ESR1: variants seen among roughly 807,000 people sequenced by gnomAD.
The protein encoded by ESR1 is estrogen receptor.
ESR1 carries 12 observed loss-of-function variants against 52.7 expected under a neutral mutation model. The ratio of observed to expected loss-of-function variants is 0.23; its 90% CI spans 0.15 to 0.37. ESR1 has a LOEUF of 0.37. ESR1 is among the 10% of genes least tolerant of loss of function. The pLI is 1.00. For synonymous variants in ESR1, 305 were observed against 316.8 expected (o/e 0.96, Z 0.39); for missense variants, 584 against 779.7 (o/e 0.75, Z 2.99).
At chr6:151,773,042 C>G (rs1289459482) in intron 2 of ESR1, among the ~76,000 whole-genome samples, 3 of 152,078 alleles carry the variant, frequency 2.0e-5, no homozygotes, top group Admixed American at 6.5e-5. Context: ...TAGAATGTGG[C>G]CTTATTTGGA....
Position 152,100,407 on chromosome 6 carries a change from C to G in ESR1, c.*1441C>G. Reference sequence around the variant, plus strand: ...TGGTTTGGGGAAGAAAATCCTCCCCCTTCCTCCCCCGCCCCGTTCCCTACC... The same window carrying G: ...TGGTTTGGGGAAGAAAATCCTCCCCGTTCCTCCCCCGCCCCGTTCCCTACC... On this transcript the variant is annotated 3_prime_UTR_variant, in exon 8 of 8. Coordinates refer to ENST00000206249, the MANE Select transcript of ESR1 (RefSeq NM_000125.4). The G allele has an allele frequency of 3.5e-6, 1 of 287,246 alleles. No homozygotes were observed. Among genetic ancestry groups the G allele is most frequent in the East Asian group, 5.1e-5 (1 of 19,598 alleles). The allele number at this position is 287,246 out of a possible 1,614,324, so 17.8% of individuals were successfully genotyped here. A position where few individuals can be genotyped will look rare whatever the true frequency, so the allele number is the denominator to read the frequency against.
chr6:151,669,816 G>A (rs1325066196), intron 1 of ESR1, among the ~76,000 whole-genome samples: 1 of 152,132 alleles, frequency 6.6e-6, no homozygotes, highest in Admixed American at 6.5e-5. Context: ...GACGTGGAGT[G>A]AGTAGCAGAA....
intron 1 of ESR1, among the ~76,000 whole-genome samples, chr6:151,667,493 C>T (rs1304697697): frequency 6.6e-6 from 1 of 152,194 alleles, no homozygotes; most frequent in African/African-American, 2.4e-5. Flanking sequence ...CTAAGACTCC[C>T]CTCCAGCACA....
chr6:152,044,012 TGGAGCTG>T (rs1357001512), intron 5 of ESR1, among the ~76,000 whole-genome samples: 1 of 152,224 alleles, frequency 6.6e-6, no homozygotes, highest in Non-Finnish European at 1.5e-5. Flanking sequence ...AATGTGGTTC[TGGAGCTG>T]GGAGATAGAA....
At chr6:151,888,996 G>A (rs929141127) in intron 3 of ESR1, among the ~76,000 whole-genome samples, 3 of 151,974 alleles carry the variant, frequency 2.0e-5, no homozygotes, top group African/African-American at 4.8e-5. Context: ...TTGAACCATC[G>A]TTGCATCCCT....
intron 2 of ESR1, among the ~76,000 whole-genome samples, chr6:151,868,177 G>C (rs1414076336): frequency 6.6e-6 from 1 of 152,054 alleles, no homozygotes; most frequent in Non-Finnish European, 1.5e-5. Context: ...ACCCAGGCTA[G>C]AGTGCAATGG....
At position 151,724,443 on chromosome 6, in the gene ESR1, G is replaced by A. The variant is rs141329691; in HGVS notation, c.-71+22438G>A. ...CCAAGAGAAAGAACCTTCAGAAACG[G>A]ACATTTAAAGGATTAGGTCCCCACC... On this transcript the variant is annotated intron_variant, in intron 2 of 2. Coordinates refer to the ESR1 transcript ENST00000404742. Among the ~76,000 whole-genome samples the A allele has an allele frequency of 3.2e-3, 494 of 152,126 alleles. 2 individuals are homozygous for A. The highest frequency in any genetic ancestry group is 5.1e-3 in the Non-Finnish European group (350 of 67,996).
intron 2 of ESR1, among the ~76,000 whole-genome samples, chr6:151,736,054 A>G (rs1388479452): frequency 1.3e-5 from 2 of 152,198 alleles, no homozygotes; most frequent in Non-Finnish European, 1.5e-5. Context: ...AGTCAATTAA[A>G]CCTCTTTCCT....
chr6:151,680,925 T>G (rs548331242), intron 1 of ESR1, among the ~76,000 whole-genome samples: 1 of 152,308 alleles, frequency 6.6e-6, no homozygotes, highest in South Asian at 2.1e-4. Context: ...TCCACTGGGA[T>G]GAAGTCCTGG....
chr6:151,680,573 G>T (rs905668141), intron 1 of ESR1, among the ~76,000 whole-genome samples: 1 of 152,102 alleles, frequency 6.6e-6, no homozygotes, highest in African/African-American at 2.4e-5. Flanking sequence ...TTTTATGAGA[G>T]CACTAATCCC....
chr6:151,806,462 C>G (rs985775066), upstream of ESR1, among the ~76,000 whole-genome samples: 5 of 146,870 alleles, frequency 3.4e-5, no homozygotes, highest in Admixed American at 3.5e-4. Flanking sequence ...GAAGTTTATT[C>G]AAAAGTATAA....
intron 2 of ESR1, among the ~76,000 whole-genome samples, chr6:151,791,183 G>A (rs1021343837): frequency 2.6e-5 from 4 of 152,158 alleles, no homozygotes; most frequent in African/African-American, 7.2e-5. Flanking sequence ...ACAGGCTGAT[G>A]TGGTTTGGCT....
chr6:152,013,939 A>G (rs551602505), intron 5 of ESR1, among the ~76,000 whole-genome samples: 2 of 152,212 alleles, frequency 1.3e-5, no homozygotes, highest in East Asian at 3.9e-4. Context: ...ATCTCAAATT[A>G]TAGCTCCCAT....
At chr6:151,678,873 G>T (rs555901779) in intron 1 of ESR1, among the ~76,000 whole-genome samples, 1 of 151,932 alleles carries the variant, frequency 6.6e-6, no homozygotes, top group Non-Finnish European at 1.5e-5. Flanking sequence ...TTTTAGTAGA[G>T]ACAGGGTTTC....
At chr6:151,694,301 A>ATTACAATATG (rs1316816495) in intron 1 of ESR1, among the ~76,000 whole-genome samples, 3 of 152,146 alleles carry the variant, frequency 2.0e-5, no homozygotes, top group Non-Finnish European at 4.4e-5. Context: ...AATCAATATG[A>ATTACAATATG]ATTTGGCCTT....
In ESR1 at chr6:152,099,844, G is replaced by A. The variant is rs2050899707; in HGVS notation, c.*878G>A. 5.0e-6 allele frequency: 2 copies of A among 396,456 alleles called. No homozygotes were observed. The highest frequency in any genetic ancestry group is 8.9e-6 in the Non-Finnish European group (2 of 225,286). The allele number at this position is 396,456 out of a possible 1,614,324, so 24.6% of individuals were successfully genotyped here. A position where few individuals can be genotyped will look rare whatever the true frequency, so the allele number is the denominator to read the frequency against. On this transcript the variant is annotated 3_prime_UTR_variant, in exon 8 of 8. Coordinates refer to ENST00000206249, the MANE Select transcript of ESR1 (RefSeq NM_000125.4). ...GGTCAGCTTCAGGACCTGTTCCAGTGGGCACTGTACTTGGATCTTCCCGGC... is the reference window on the plus strand; with the variant it reads ...GGTCAGCTTCAGGACCTGTTCCAGTAGGCACTGTACTTGGATCTTCCCGGC...
intron 2 of ESR1, among the ~76,000 whole-genome samples, chr6:151,847,079 A>T (rs1785259527): frequency 6.6e-6 from 1 of 152,230 alleles, no homozygotes; most frequent in South Asian, 2.1e-4. Context: ...GCTGCTCATC[A>T]GATCAGACAG....
intron 2 of ESR1, among the ~76,000 whole-genome samples, chr6:151,736,460 C>G (rs1353535363): frequency 6.8e-6 from 1 of 146,872 alleles, no homozygotes; most frequent in Non-Finnish European, 1.5e-5. Context: ...GCAACCTCCA[C>G]TTCCCGGCCT....
rs1056219335 is a variant in ESR1 at position 151,738,610 on chromosome 6, G to C, written c.-71+36605G>C. On this transcript the variant is annotated intron_variant, in intron 2 of 2. Transcript: ENST00000404742. Reference sequence around the variant, plus strand: ...GTTCTGAACATAACATTTCTGTCAGGGTTTTTAAAAAGTTTCCAAAATGAC... The same window carrying C: ...GTTCTGAACATAACATTTCTGTCAGCGTTTTTAAAAAGTTTCCAAAATGAC... Among the ~76,000 whole-genome samples, 4 of 152,002 alleles carry C rather than the reference G, an allele frequency of 2.6e-5. No individual in the cohort carries two copies. In the South Asian group the frequency reaches 8.3e-4, roughly 32 times the overall value.
Sources: allele counts gnomAD v4.1 joint callset (sites outside exome capture counted in the v4.1 genomes callset), GRCh38; gene constraint gnomAD v4.1.1; transcripts MANE v1.5; gene names NCBI Gene and HGNC (gene_info 2026-07-23, HGNC 2026-07-21).